The following SLC2A14 variants were observed in gnomAD, a reference collection of about 807,000 sequenced individuals.
SLC2A14 encodes the protein solute carrier family 2, facilitated glucose transporter member 14.
A neutral mutation model predicts 43.0 loss-of-function variants in SLC2A14; 13 were observed. That is an observed-to-expected ratio of 0.30 (90% confidence interval 0.20 to 0.48). The LOEUF (loss-of-function observed/expected upper bound fraction) is 0.48. SLC2A14 is among the 20% of genes least tolerant of loss of function. SLC2A14 has a pLI of 0.99. For missense variants in SLC2A14, 428 were observed against 620.4 expected (o/e 0.69, Z 3.29); for synonymous variants, 190 against 233.8 (o/e 0.81, Z 1.71).
chr12:7,826,814 C>CTT (rs1433806990), intron 7 of SLC2A14, among the ~76,000 whole-genome samples: 6 of 146,028 alleles, frequency 4.1e-5, no homozygotes, highest in South Asian at 2.3e-4. Context: ...CAGGCTCGCT[C>CTT]TTTTTTCTTT....
At chr12:7,881,776 C>T (rs940704603) in intron 1 of SLC2A14, among the ~76,000 whole-genome samples, 1 of 152,184 alleles carries the variant, frequency 6.6e-6, no homozygotes, top group Non-Finnish European at 1.5e-5. Context: ...TTATGTCTAG[C>T]TAAAGGATTG....
intron 1 of SLC2A14, among the ~76,000 whole-genome samples, chr12:7,882,947 G>A (rs777886793): frequency 7.3e-5 from 11 of 151,598 alleles, no homozygotes; most frequent in South Asian, 6.3e-4. Flanking sequence ...GTGGTGGCTC[G>A]TGCCTGTAAT....
At chr12:7,838,534 A>C (rs1001703954) in intron 2 of SLC2A14, among the ~76,000 whole-genome samples, 12 of 152,182 alleles carry the variant, frequency 7.9e-5, no homozygotes, top group African/African-American at 2.7e-4. Flanking sequence ...ATATTATGAA[A>C]GCACATAACT....
chr12:7,862,704 AC>A (rs1944649643), intron 2 of SLC2A14, among the ~76,000 whole-genome samples: 1 of 152,066 alleles, frequency 6.6e-6, no homozygotes, highest in South Asian at 2.1e-4. Context: ...TTGTAAATAC[AC>A]CAATCGGCAC....
chr12:7,817,714 C>A, intron 10 of SLC2A14, 117 bp downstream of exon 10: 1 of 1,155,560 alleles, frequency 8.7e-7, no homozygotes, highest in East Asian at 3.0e-5. Flanking sequence ...GGCAACTGCA[C>A]ACCAGGGCGA....
At chr12:7,855,647 GT>G (rs1290455027) in intron 2 of SLC2A14, among the ~76,000 whole-genome samples, 1 of 150,452 alleles carries the variant, frequency 6.6e-6, no homozygotes, top group Non-Finnish European at 1.5e-5. Flanking sequence ...CTTTTTCTTT[GT>G]TTTTGTTGAG....
intron 2 of SLC2A14, among the ~76,000 whole-genome samples, chr12:7,859,171 C>T (rs1436565686): frequency 6.6e-6 from 1 of 152,054 alleles, no homozygotes; most frequent in Non-Finnish European, 1.5e-5. Flanking sequence ...GGCGGATCAC[C>T]TGAGGTCAGG....
At chr12:7,844,782 C>T (rs1374297764) in intron 2 of SLC2A14, among the ~76,000 whole-genome samples, 3 of 152,070 alleles carry the variant, frequency 2.0e-5, no homozygotes, top group Non-Finnish European at 2.9e-5. Flanking sequence ...CTGATCCACC[C>T]GCCTTGGCCT....
At chr12:7,832,868 T>C (rs1034560102) in intron 2 of SLC2A14, 54 bp from the exon 3 acceptor site, 20 of 1,530,344 alleles carry the variant, frequency 1.3e-5, no homozygotes, top group African/African-American at 6.8e-5. Context: ...TTGTAATTGA[T>C]GACTGTTTCT....
rs1456341906 is a variant in SLC2A14 at position 7,880,707 on chromosome 12, AAAAAAAAG to A, written c.132+10281_132+10288del. Reference sequence around the variant, plus strand: ...CTGGGTCTCAAAAAAAAAAAAAAAAAAAAAAAAGAGAGAAATTGGCCGGGCGCAGTGGC... The same window carrying A: ...CTGGGTCTCAAAAAAAAAAAAAAAAAAGAGAAATTGGCCGGGCGCAGTGGC... On this transcript the variant is annotated intron_variant, in intron 1 of 9. Transcript: ENST00000539924. Among the ~76,000 whole-genome samples, 181 of 139,614 alleles carry A rather than the reference AAAAAAAAG, an allele frequency of 1.3e-3. 3 individuals carry two copies. Among genetic ancestry groups the A allele is most frequent in the African/African-American group, 4.2e-3 (163 of 38,846 alleles). 91.6% of individuals were successfully genotyped at this position (139,614 alleles called of 152,430 possible). A position where few individuals can be genotyped will look rare whatever the true frequency, so the allele number is the denominator to read the frequency against.
chr12:7,868,663 C>T (rs1461783310), intron 2 of SLC2A14, among the ~76,000 whole-genome samples: 1 of 152,100 alleles, frequency 6.6e-6, no homozygotes, highest in Non-Finnish European at 1.5e-5. Flanking sequence ...AAAAAAGCTA[C>T]ATATTAGCCT....
intron 1 of SLC2A14, among the ~76,000 whole-genome samples, chr12:7,888,751 T>C (rs1945726233): frequency 1.4e-5 from 2 of 139,134 alleles, no homozygotes. Context: ...TGAGCTGAGA[T>C]CGTGCCACTG....
intron 2 of SLC2A14, among the ~76,000 whole-genome samples, chr12:7,858,245 A>G (rs895771729): frequency 6.6e-6 from 1 of 152,212 alleles, no homozygotes. Context: ...TCAGTCATCA[A>G]CAAACACTAT....
intron 2 of SLC2A14, among the ~76,000 whole-genome samples, chr12:7,837,852 C>T (rs886449212): frequency 1.3e-4 from 20 of 151,784 alleles, no homozygotes; most frequent in Non-Finnish European, 1.6e-4. Flanking sequence ...CCACCTCCTG[C>T]GTTCAAGCAA....
At chr12:7,824,793 C>A (rs915202424) in intron 7 of SLC2A14, among the ~76,000 whole-genome samples, 1 of 151,312 alleles carries the variant, frequency 6.6e-6, no homozygotes, top group African/African-American at 2.4e-5. Flanking sequence ...GATTTCCAAG[C>A]CTGCTATGCA....
At chr12:7,822,122 C>T (rs917077776) in intron 7 of SLC2A14, among the ~76,000 whole-genome samples, 1 of 151,696 alleles carries the variant, frequency 6.6e-6, no homozygotes, top group Non-Finnish European at 1.5e-5. Flanking sequence ...CCACGCCTGG[C>T]CAATTTTTGT....
At chr12:7,833,462 A>G (rs1250407349) in intron 2 of SLC2A14, among the ~76,000 whole-genome samples, 1 of 152,124 alleles carries the variant, frequency 6.6e-6, no homozygotes, top group Non-Finnish European at 1.5e-5. Context: ...GCTCACTACA[A>G]ACCTAACAAA....
At chr12:7,853,750 C>T (rs1867128203) in intron 2 of SLC2A14, among the ~76,000 whole-genome samples, 1 of 152,054 alleles carries the variant, frequency 6.6e-6, no homozygotes, top group African/African-American at 2.4e-5. Flanking sequence ...TGGCATATGA[C>T]CAACCAGGAT....
chr12:7,866,745 A>G (rs1944934508), intron 2 of SLC2A14, among the ~76,000 whole-genome samples: 1 of 152,172 alleles, frequency 6.6e-6, no homozygotes. Context: ...AAGTTGGTTC[A>G]TGAGGTTTAA....
Sources: allele counts gnomAD v4.1 joint callset (sites outside exome capture counted in the v4.1 genomes callset), GRCh38; gene constraint gnomAD v4.1.1; transcripts MANE v1.5; gene names NCBI Gene and HGNC (gene_info 2026-07-23, HGNC 2026-07-21).